The following TET2 variants were observed in gnomAD, a reference collection of about 807,000 sequenced individuals.
The protein encoded by TET2 is methylcytosine dioxygenase TET2.
A neutral mutation model predicts 142.9 loss-of-function variants in TET2; 299 were observed. The ratio of observed to expected loss-of-function variants is 2.09; its 90% confidence interval spans 1.90 to 2.30. The LOEUF (loss-of-function observed/expected upper bound fraction) is 2.30, where lower values mean the gene tolerates loss of function less well. Ranked by LOEUF, TET2 falls within the 30% of genes most tolerant of loss-of-function variation. The probability of loss-of-function intolerance (pLI) is 0.00; values close to 1 mark genes in which losing one functional copy is unlikely to be tolerated. For missense variants in TET2, 2,418 were observed against 2,378.0 expected (o/e 1.02, Z -0.35); for synonymous variants, 819 against 849.0 (o/e 0.96, Z 0.61).
chr4:105,257,362 G>A (rs1730190432), intron 6 of TET2, among the ~76,000 whole-genome samples: 1 of 151,914 alleles, frequency 6.6e-6, no homozygotes, highest in Non-Finnish European at 1.5e-5. Flanking sequence ...TCTGGTGGTT[G>A]TTGTTTATTT....
chr4:105,207,459 G>A (rs1274259732), intron 2 of TET2, among the ~76,000 whole-genome samples: 1 of 152,086 alleles, frequency 6.6e-6, no homozygotes, highest in Non-Finnish European at 1.5e-5. Context: ...TAGTTTCTTT[G>A]GGATATACAT....
intron 2 of TET2, among the ~76,000 whole-genome samples, chr4:105,211,041 A>G (rs146213108): frequency 1.4e-3 from 210 of 152,196 alleles, no homozygotes; most frequent in Middle Eastern, 3.4e-3. Flanking sequence ...CCGCACCTCA[A>G]AACACTCCTC....
chr4:105,191,303 T>A (rs2110483251), intron 2 of TET2, among the ~76,000 whole-genome samples: 1 of 152,336 alleles, frequency 6.6e-6, no homozygotes, highest in South Asian at 2.1e-4. Context: ...ACCTGCTGAG[T>A]GTCCCAACCT....
intron 8 of TET2, 62 bp downstream of exon 8, chr4:105,261,910 C>A (rs2110288755): frequency 1.0e-6 from 1 of 959,222 alleles, no homozygotes; most frequent in Non-Finnish European, 1.6e-6. Context: ...TGACCTATGT[C>A]CAAAAATATT....
At chr4:105,274,462 C>T (rs1425451105) in intron 10 of TET2, among the ~76,000 whole-genome samples, 2 of 152,014 alleles carry the variant, frequency 1.3e-5, no homozygotes, top group East Asian at 3.9e-4. Context: ...ACAACATTCC[C>T]GAATCTTACA....
At chr4:105,260,843 G>A (rs1261745112) in intron 7 of TET2, among the ~76,000 whole-genome samples, 1 of 152,078 alleles carries the variant, frequency 6.6e-6, no homozygotes, top group African/African-American at 2.4e-5. Context: ...ATAACTTAAT[G>A]AAAAGTACTG....
At chr4:105,227,561 A>G (rs961434687) in intron 2 of TET2, among the ~76,000 whole-genome samples, 31 of 129,428 alleles carry the variant, frequency 2.4e-4, no homozygotes, top group Non-Finnish European at 1.5e-5. Flanking sequence ...ATTGTATACC[A>G]TATTAATTTT....
chr4:105,275,485 T>C lies in TET2; in HGVS notation c.4975T>C (p.Tyr1659His), dbSNP rs2110313413. The C allele has an allele frequency of 6.4e-7, 1 of 1,551,662 alleles. No individual in the cohort carries two copies. Among genetic ancestry groups the C allele is most frequent in the Non-Finnish European group, 8.7e-7 (1 of 1,146,966 alleles). The change falls in exon 11 of 11, where the codon TAT becomes CAT. Residue 1659 changes from tyrosine (Y) to histidine (H), a missense_variant. Physicochemically the swap from Tyr to His is moderately conservative, Grantham distance 83 (BLOSUM62 2). Transcript: ENST00000380013. ...TCCCCAGTCTCAGCCGATGGATCTG[T>C]ATAGGTATCCAAGCCAAGACCCTCT... is the stretch of plus-strand genomic sequence containing the variant. The part of the protein sequence containing the change: ...YSPQSQPMDL[Y>H]RYPSQDPLSK...
At chr4:105,200,971 T>A (rs1421265777) in intron 2 of TET2, among the ~76,000 whole-genome samples, 1 of 152,164 alleles carries the variant, frequency 6.6e-6, no homozygotes, top group Non-Finnish European at 1.5e-5. Flanking sequence ...AGGTCATACT[T>A]TTAATCAAAA....
rs997900764 is a variant in TET2 at position 105,275,548 on chromosome 4, C to T, written c.5038C>T (p.Gln1680Ter). 1 of 1,551,692 alleles carries T rather than the reference C, an allele frequency of 6.4e-7. No homozygotes were observed. The highest frequency in any genetic ancestry group is 8.7e-7 in the Non-Finnish European group (1 of 1,146,966). Reference sequence around the variant, plus strand: ...TCTACCACCCATCCATACACTTTACCAGCCAAGGTTTGGAAATAGCCAGAG... The same window carrying T: ...TCTACCACCCATCCATACACTTTACTAGCCAAGGTTTGGAAATAGCCAGAG... ...LSLPPIHTLY[Q>*]PRFGNSQSFT... Residue 1680 changes from glutamine to a stop codon, truncating the protein, a stop_gained, in exon 11 of 11, where the codon CAG becomes TAG. Coordinates refer to ENST00000380013, the MANE Select transcript of TET2 (RefSeq NM_001127208.3). LOFTEE classifies it low-confidence loss of function (END_TRUNC).
chr4:105,164,356 C>T (rs1301564263), intron 1 of TET2, among the ~76,000 whole-genome samples: 1 of 152,200 alleles, frequency 6.6e-6, no homozygotes, highest in Non-Finnish European at 1.5e-5. Context: ...GTTGCCTTAG[C>T]ATTTGTGAAT....
At chr4:105,257,702 A>G (rs892315642) in intron 6 of TET2, among the ~76,000 whole-genome samples, 4 of 152,102 alleles carry the variant, frequency 2.6e-5, no homozygotes, top group Non-Finnish European at 5.9e-5. Context: ...TATATTTTCA[A>G]AGCCTCCTGT....
intron 9 of TET2, among the ~76,000 whole-genome samples, chr4:105,271,736 A>G (rs1351331415): frequency 6.6e-6 from 1 of 152,230 alleles, no homozygotes; most frequent in African/African-American, 2.4e-5. Flanking sequence ...TAAATACTAA[A>G]AAGTTAGTAT....
chr4:105,197,318 T>G (rs1195038829), intron 2 of TET2, among the ~76,000 whole-genome samples: 1 of 152,236 alleles, frequency 6.6e-6, no homozygotes, highest in African/African-American at 2.4e-5. Flanking sequence ...TAGGTGATAA[T>G]TTCTGATGAC....
chr4:105,253,138 A>G (rs1578706475), intron 6 of TET2, among the ~76,000 whole-genome samples: 1 of 152,280 alleles, frequency 6.6e-6, no homozygotes, highest in African/African-American at 2.4e-5. Flanking sequence ...AAGTAAAAAA[A>G]GCAGTCTGAA....
chr4:105,149,745 G>T (rs1343718601), intron 1 of TET2, among the ~76,000 whole-genome samples: 1 of 152,146 alleles, frequency 6.6e-6, no homozygotes, highest in African/African-American at 2.4e-5. Context: ...TGTCATATTT[G>T]CCAAACTCTT....
chr4:105,185,557 G>A (rs1725380035), intron 1 of TET2, among the ~76,000 whole-genome samples: 1 of 152,142 alleles, frequency 6.6e-6, no homozygotes, highest in Non-Finnish European at 1.5e-5. Flanking sequence ...GAGGTATGCG[G>A]ATCACGAGGT....
chr4:105,235,547 C>CA lies in TET2; in HGVS notation c.1608dup (p.Glu537ArgfsTer30). 6.2e-7 allele frequency: 1 copy of CA among 1,614,112 alleles called. No homozygotes were observed. Among genetic ancestry groups the CA allele is most frequent in the Non-Finnish European group, 8.5e-7 (1 of 1,180,000 alleles). ...ACAACTGCCAGCAGTTGATGAGAAA[C>CA]AAAGAGCAAGAGATTCTGAAGGGTC... is the stretch of plus-strand genomic sequence containing the variant. On this transcript the variant is annotated frameshift_variant, in exon 3 of 11. Coordinates refer to ENST00000380013, the MANE Select transcript of TET2 (RefSeq NM_001127208.3). LOFTEE classifies it high-confidence loss of function.
Position 105,236,895 on chromosome 4 carries a change from C to A in TET2, c.2953C>A (p.Pro985Thr). 1 of 1,614,082 alleles carries A rather than the reference C, an allele frequency of 6.2e-7. No individual in the cohort carries two copies. Among genetic ancestry groups the A allele is most frequent in the Non-Finnish European group, 8.5e-7 (1 of 1,180,016 alleles). ...GATGCACAGGCCAATTAAGGTGGAA[C>A]CTGGATGCAAGCCACATGCCTGTAT... ...SQMHRPIKVE[P>T]GCKPHACMHT... is the part of the protein sequence containing the mutation. The change falls in exon 3 of 11, where the codon CCT (proline) becomes ACT (threonine). Residue 985 changes from proline to threonine, a missense_variant. Transcript: ENST00000380013.
Sources: gnomAD v4.1 joint callset for allele counts (sites outside exome capture counted in the v4.1 genomes callset) on GRCh38, gnomAD v4.1.1 for gene constraint, MANE v1.5 for transcripts, NCBI Gene and HGNC (gene_info 2026-07-23, HGNC 2026-07-21) for gene names.